EFHD1: variants seen among roughly 807,000 people sequenced by gnomAD.
The protein encoded by EFHD1 is EF-hand domain family member D1, also known as EF-hand domain-containing protein D1.
A neutral mutation model predicts 17.2 loss-of-function variants in EFHD1; 10 were observed. The observed-to-expected ratio is 0.58, with a 90% CI of 0.36 to 0.99. The LOEUF (loss-of-function observed/expected upper bound fraction) is 0.99. Among genes scored for constraint, EFHD1 ranks in the 50% least tolerant of loss-of-function variants. The probability of loss-of-function intolerance (pLI) is 0.01; values close to 1 mark genes in which losing one functional copy is unlikely to be tolerated. For synonymous variants in EFHD1, 153 were observed against 142.0 expected (o/e 1.08, Z -0.55); for missense variants, 310 against 327.5 (o/e 0.95, Z 0.41).
intron 1 of EFHD1, among the ~76,000 whole-genome samples, chr2:232,622,729 G>C (rs1250772657): frequency 6.6e-6 from 1 of 152,112 alleles, no homozygotes; most frequent in East Asian, 1.9e-4. Context: ...CAGCTGCTCC[G>C]GTTTGCCTTC....
At chr2:232,638,358 G>T (rs1694357279) in intron 1 of EFHD1, 1 of 471,050 alleles carries the variant, frequency 2.1e-6, no homozygotes, top group Non-Finnish European at 4.4e-6. Context: ...CCAAAGAGAG[G>T]GTGGGAAGAG....
At chr2:232,623,472 G>A (rs986814313) in intron 1 of EFHD1, among the ~76,000 whole-genome samples, 10 of 151,490 alleles carry the variant, frequency 6.6e-5, no homozygotes, top group African/African-American at 1.7e-4. Context: ...CCAGGAGTTC[G>A]AGACCAGCCT....
chr2:232,677,274 T>TACACACACAC (rs36180788), intron 3 of EFHD1, among the ~76,000 whole-genome samples: 3 of 141,348 alleles, frequency 2.1e-5, no homozygotes, highest in African/African-American at 5.7e-5. Context: ...AACACACACA[T>TACACACACAC]ACACACACAC....
At chr2:232,614,890 C>G (rs975786005) in intron 1 of EFHD1, among the ~76,000 whole-genome samples, 1 of 152,126 alleles carries the variant, frequency 6.6e-6, no homozygotes, top group Non-Finnish European at 1.5e-5. Flanking sequence ...GCAGGAGGAT[C>G]GCTTGAGCCC....
chr2:232,627,525 C>CT (rs927614794), intron 1 of EFHD1, among the ~76,000 whole-genome samples: 7 of 152,066 alleles, frequency 4.6e-5, no homozygotes, highest in Non-Finnish European at 1.0e-4. Flanking sequence ...TGACACCTCC[C>CT]TTTTTTCAGC....
At chr2:232,660,361 A>T (rs1382266450) in intron 1 of EFHD1, among the ~76,000 whole-genome samples, 1 of 151,446 alleles carries the variant, frequency 6.6e-6, no homozygotes, top group Non-Finnish European at 1.5e-5. Flanking sequence ...CGCCCGGCTC[A>T]TTTTTTGTAT....
At chr2:232,649,736 A>T (rs906307664) in intron 1 of EFHD1, 1 of 152,230 alleles carries the variant, frequency 6.6e-6, no homozygotes, top group Non-Finnish European at 1.5e-5. Context: ...CAAGTTACAG[A>T]TGGGGCCAAG....
In EFHD1 at chr2:232,643,154, A is replaced by G. The variant is rs566368735; in HGVS notation, c.302+9148A>G. 2.0e-5 allele frequency among the ~76,000 whole-genome samples: 3 copies of G among 152,252 alleles called. No homozygotes were observed. In the East Asian group the frequency reaches 5.8e-4, roughly 29 times the overall value. On this transcript the variant is annotated intron_variant, in intron 1 of 3. Transcript: ENST00000264059. Reference sequence around the variant, plus strand: ...GGCAGGAAAGACCTAGAGTTCTTCTAAACAATGAGGAAATTAACATGTAAC... The same window carrying G: ...GGCAGGAAAGACCTAGAGTTCTTCTGAACAATGAGGAAATTAACATGTAAC...
Position 232,633,776 on chromosome 2 carries a change from C to G in EFHD1, c.72C>G (p.Pro24=), listed in dbSNP as rs1010169246. Residue 24 remains proline, a synonymous_variant, in exon 1 of 4, where the codon CCC becomes CCG. Coordinates refer to ENST00000264059, the MANE Select transcript of EFHD1 (RefSeq NM_025202.4). The stretch of plus-strand genomic sequence containing the variant: ...GCGAGGAGGCCGAGGAGAGTGGCCC[C>G]CAGCTGGCTCCCCTCGGCGCCCCAG... ...LRREEAEESG[P]QLAPLGAPAP... 6.8e-7 allele frequency: 1 copy of G among 1,461,534 alleles called. No homozygotes were observed. The highest frequency in any genetic ancestry group is 9.0e-7 in the Non-Finnish European group (1 of 1,114,890). 90.5% of individuals were successfully genotyped at this position (1,461,534 alleles called of 1,614,324 possible). A position where few individuals can be genotyped will look rare whatever the true frequency, so the allele number is the denominator to read the frequency against.
At chr2:232,607,570 G>A (rs555213767) in intron 1 of EFHD1, among the ~76,000 whole-genome samples, 40 of 150,472 alleles carry the variant, frequency 2.7e-4, no homozygotes, top group African/African-American at 8.9e-4. Flanking sequence ...CTCCACCCTG[G>A]GTAACAGAGC....
chr2:232,643,403 C>T (rs1305516654), intron 1 of EFHD1, among the ~76,000 whole-genome samples: 3 of 151,660 alleles, frequency 2.0e-5, no homozygotes, highest in Admixed American at 1.3e-4. Flanking sequence ...GCTTTGTTTT[C>T]GTTTGTATTT....
rs546251021 is a variant in EFHD1, at chr2:232,622,130, C to G, written c.14+15957C>G. ...TACAAAGGGTAGACAGCCCTACCCA[C>G]TACCACGGAATTCCTGCTGCCCAGG... On this transcript the variant is annotated intron_variant, in intron 1 of 3. Transcript: ENST00000409613. Among the ~76,000 whole-genome samples, 3 of 152,324 alleles carry G rather than the reference C, an allele frequency of 2.0e-5. No homozygotes were observed. The East Asian group carries it at 5.8e-4, about 29-fold the overall frequency.
chr2:232,660,339 T>C (rs765815248), intron 1 of EFHD1, among the ~76,000 whole-genome samples: 2 of 151,970 alleles, frequency 1.3e-5, no homozygotes, highest in South Asian at 4.2e-4. Flanking sequence ...GGACTACAGG[T>C]GCCTGCCACC....
At chr2:232,606,163 G>A (rs763755135) in exon 1 of EFHD1, 106 of 1,549,144 alleles carry the variant, frequency 6.8e-5, no homozygotes, top group Non-Finnish European at 9.2e-5. Context: ...ACATACGATG[G>A]GAGAGTTGCA....
rs533753311 is a variant in EFHD1 at position 232,655,084 on chromosome 2, C to T, written c.303-7718C>T. 7.2e-5 allele frequency among the ~76,000 whole-genome samples: 11 copies of T among 152,336 alleles called. No homozygotes were observed. The East Asian group carries it at 2.1e-3, about 29-fold the overall frequency. ...ATATGCACCACATTGATCACTTCAG[C>T]CTGTTCTGCGAATTCTGTTGGAACA... On this transcript the variant is annotated intron_variant, in intron 1 of 3. Transcript: ENST00000264059.
chr2:232,654,603 T>C lies in EFHD1; in HGVS notation c.303-8199T>C, dbSNP rs1470757806. On this transcript the variant is annotated intron_variant, in intron 1 of 3. Transcript: ENST00000264059. ...CACCCCACCAGGCTAGTTTTTTGTATTTTTAGTAGAGACAGGGTTTCGCCA... is the reference window on the plus strand; with the variant it reads ...CACCCCACCAGGCTAGTTTTTTGTACTTTTAGTAGAGACAGGGTTTCGCCA... Among the ~76,000 whole-genome samples the C allele has an allele frequency of 3.9e-5, 6 of 152,062 alleles. 1 individual carries two copies.
chr2:232,646,495 A>G (rs1694531886), intron 1 of EFHD1, among the ~76,000 whole-genome samples: 1 of 116,694 alleles, frequency 8.6e-6, no homozygotes, highest in Admixed American at 1.3e-4. Flanking sequence ...CCCAGGCTGG[A>G]GTACAGTGGC....
intron 2 of EFHD1, among the ~76,000 whole-genome samples, chr2:232,666,373 C>G (rs1206862893): frequency 1.3e-5 from 2 of 152,220 alleles, no homozygotes; most frequent in Non-Finnish European, 2.9e-5. Flanking sequence ...CTCTTTCCAG[C>G]CCGAATACCC....
intron 3 of EFHD1, among the ~76,000 whole-genome samples, chr2:232,676,188 A>G (rs1347730448): frequency 6.6e-6 from 1 of 151,994 alleles, no homozygotes; most frequent in Non-Finnish European, 1.5e-5. Context: ...GGAAAAAAAA[A>G]AGCCTGGCCT....
Sources: allele counts gnomAD v4.1 joint callset (sites outside exome capture counted in the v4.1 genomes callset), GRCh38; gene constraint gnomAD v4.1.1; transcripts MANE v1.5; gene names NCBI Gene and HGNC (gene_info 2026-07-23, HGNC 2026-07-21).